Variants in TRAPPC8 observed in about 807,000 individuals in gnomAD.
The protein encoded by TRAPPC8 is general sporulation gene 1 homolog.
In TRAPPC8, 54 loss-of-function variants were observed where a neutral mutation model predicts 174.3. The observed-to-expected ratio is 0.31, with a 90% CI of 0.25 to 0.39. The LOEUF (loss-of-function observed/expected upper bound fraction) is 0.39. TRAPPC8 is among the 10% of genes least tolerant of loss of function. The pLI is 1.00. For missense variants in TRAPPC8, 1,531 were observed against 1,699.1 expected, an observed-to-expected ratio of 0.90 and a Z score of 1.74; for synonymous variants, 630 against 579.9, an observed-to-expected ratio of 1.09 and a Z score of -1.24.
intron 12 of TRAPPC8, among the ~76,000 whole-genome samples, chr18:31,877,556 T>C (rs1354123215): frequency 1.6e-5 from 2 of 128,772 alleles, no homozygotes; most frequent in Admixed American, 1.9e-4. Flanking sequence ...GAGCCTGCAG[T>C]GAGCCAAGAT....
chr18:31,904,415 G>A (rs1306234654), intron 9 of TRAPPC8, among the ~76,000 whole-genome samples: 2 of 152,070 alleles, frequency 1.3e-5, no homozygotes, highest in Admixed American at 1.3e-4. Flanking sequence ...CAGGTGTGGT[G>A]GTACATGCCT....
chr18:31,870,235 A>C (rs1445872578), intron 16 of TRAPPC8, 137 bp downstream of exon 16: 4 of 698,128 alleles, frequency 5.7e-6, no homozygotes, highest in Non-Finnish European at 8.6e-6. Flanking sequence ...AAATAAGTAC[A>C]TATCATAATT....
chr18:31,896,026 C>T (rs1405039985), intron 11 of TRAPPC8: 5 of 152,286 alleles, frequency 3.3e-5, no homozygotes, highest in South Asian at 2.1e-4. Context: ...GAAGGCAACA[C>T]GGTTCCCTGC....
chr18:31,880,879 G>A (rs755818530), intron 12 of TRAPPC8, among the ~76,000 whole-genome samples: 1 of 151,868 alleles, frequency 6.6e-6, no homozygotes, highest in Non-Finnish European at 1.5e-5. Context: ...TGAGAACCAA[G>A]TAAGAACTCA....
At chr18:31,890,617 T>G in intron 12 of TRAPPC8, 118 bp downstream of exon 12, 1 of 1,167,910 alleles carries the variant, frequency 8.6e-7, no homozygotes, top group African/African-American at 1.6e-5. Flanking sequence ...CCCTTACCAA[T>G]ACATTACCTC....
chr18:31,867,042 C>T (rs1208519937), intron 17 of TRAPPC8, 67 bp from the exon 18 acceptor site: 20 of 1,521,004 alleles, frequency 1.3e-5, no homozygotes, highest in Non-Finnish European at 1.7e-5. Flanking sequence ...ATACCTAATT[C>T]TATAATGTTG....
intron 3 of TRAPPC8, among the ~76,000 whole-genome samples, chr18:31,916,656 C>G (rs1456601071): frequency 6.6e-6 from 1 of 152,112 alleles, no homozygotes; most frequent in Non-Finnish European, 1.5e-5. Flanking sequence ...CCTCAGCCTC[C>G]AGAGTAGCTG....
At chr18:31,873,891 G>T in intron 13 of TRAPPC8, 1 of 189,580 alleles carries the variant, frequency 5.3e-6, no homozygotes, top group South Asian at 1.1e-4. Flanking sequence ...AGACCCTAAA[G>T]GTAGTTATTT....
chr18:31,839,319 G>T lies in TRAPPC8; in HGVS notation c.3976C>A (p.Gln1326Lys), dbSNP rs2032952546. 3 of 1,592,970 alleles carry T rather than the reference G, an allele frequency of 1.9e-6. No individual in the cohort carries two copies. The highest frequency in any genetic ancestry group is 2.6e-6 in the Non-Finnish European group (3 of 1,172,540). Residue 1326 changes from glutamine to lysine, a missense_variant, in exon 27 of 29, where the codon CAA becomes AAA. Transcript: ENST00000283351. ...CAAAAATAAAGCTCAAACCTTTTTTGATGAAATGGATGATTAAATGATTCT... is the reference window on the plus strand; with the variant it reads ...CAAAAATAAAGCTCAAACCTTTTTTTATGAAATGGATGATTAAATGATTCT... ...YPESFNHPFH[Q>K]KSLCLVPVTL...
At chr18:31,935,073 G>A (rs908199540) in intron 1 of TRAPPC8, among the ~76,000 whole-genome samples, 46 of 151,788 alleles carry the variant, frequency 3.0e-4, no homozygotes, top group African/African-American at 9.9e-4. Context: ...GGCCGGGCGT[G>A]ATGGCTCATG....
rs143029925 is a variant in TRAPPC8, at chr18:31,928,904, G to A, written c.352+2425C>T. Among the ~76,000 whole-genome samples, 923 of 152,264 alleles carry A rather than the reference G, an allele frequency of 6.1e-3. 11 individuals carry two copies. Among genetic ancestry groups the A allele is most frequent in the African/African-American group, 0.021 (883 of 41,552 alleles). On this transcript the variant is annotated intron_variant, in intron 2 of 28. Coordinates refer to ENST00000283351, the MANE Select transcript of TRAPPC8 (RefSeq NM_014939.5). ...CTTAAGAAAGAATCCAGCCAGGCCA[G>A]GAGTGGTGGCTCACGCCTGTAATCC...
At chr18:31,892,577 G>A (rs1435044804) in intron 11 of TRAPPC8, among the ~76,000 whole-genome samples, 3 of 151,920 alleles carry the variant, frequency 2.0e-5, no homozygotes, top group African/African-American at 7.3e-5. Context: ...TAGAACTGTG[G>A]AGTTAATGAA....
intron 10 of TRAPPC8, among the ~76,000 whole-genome samples, chr18:31,899,955 G>T (rs564898714): frequency 7.4e-6 from 1 of 134,256 alleles, no homozygotes; most frequent in East Asian, 2.0e-4. Context: ...AAAAAAACAT[G>T]GGCTGGGCAT....
chr18:31,890,968 A>T, intron 11 of TRAPPC8, 102 bp from the exon 12 acceptor site: 1 of 1,116,758 alleles, frequency 9.0e-7, no homozygotes, highest in African/African-American at 1.6e-5. Flanking sequence ...TAGCATATCC[A>T]ATGTTTAACT....
At chr18:31,867,924 C>T (rs776856107) in intron 16 of TRAPPC8, among the ~76,000 whole-genome samples, 2 of 152,050 alleles carry the variant, frequency 1.3e-5, no homozygotes, top group Non-Finnish European at 2.9e-5. Context: ...TAATAAAACC[C>T]TGAGAGAAAA....
intron 27 of TRAPPC8, among the ~76,000 whole-genome samples, chr18:31,836,122 G>T (rs1192271159): frequency 6.6e-6 from 1 of 152,162 alleles, no homozygotes; most frequent in East Asian, 1.9e-4. Flanking sequence ...AATAGAGATG[G>T]ACATGGGTAT....
rs59323781 is a variant in TRAPPC8, at chr18:31,934,949, CATAAATAA to C, written c.158-3434_158-3427del. Among the ~76,000 whole-genome samples the C allele has an allele frequency of 1.4e-3, 199 of 140,372 alleles. 1 individual carries two copies. The highest frequency in any genetic ancestry group is 3.6e-3 in the African/African-American group (137 of 37,762). The allele number at this position is 140,372 out of a possible 152,430, so 92.1% of individuals were successfully genotyped here. On this transcript the variant is annotated intron_variant, in intron 1 of 28. Coordinates refer to ENST00000283351, the MANE Select transcript of TRAPPC8 (RefSeq NM_014939.5). ...TGGGCAACAGAGAGAGGCTCCGTCT[CATAAATAA>C]ATAAATAAATAAATAAATAAATAAA...
intron 9 of TRAPPC8, 90 bp from the exon 10 acceptor site, chr18:31,901,115 G>T (rs577104919): frequency 3.4e-5 from 33 of 968,240 alleles, no homozygotes; most frequent in East Asian, 9.4e-5. Flanking sequence ...GAAATTTGCT[G>T]TTTTTTTTTT....
chr18:31,843,657 TATTC>T lies in TRAPPC8; in HGVS notation c.3837+3055_3837+3058del, dbSNP rs562034682. Among the ~76,000 whole-genome samples the T allele has an allele frequency of 3.0e-3, 452 of 152,334 alleles. 2 individuals are homozygous for T. Among genetic ancestry groups the T allele is most frequent in the African/African-American group, 9.5e-3 (395 of 41,576 alleles). On this transcript the variant is annotated intron_variant, in intron 26 of 28. Coordinates refer to ENST00000283351, the MANE Select transcript of TRAPPC8 (RefSeq NM_014939.5). ...ATGAATTTGGTAACTCAGCATTCTT[TATTC>T]ATTTACTTAATAATTACCAAGTACT...
Sources: gnomAD v4.1 joint callset for allele counts (sites outside exome capture counted in the v4.1 genomes callset) on GRCh38, gnomAD v4.1.1 for gene constraint, MANE v1.5 for transcripts, NCBI Gene and HGNC (gene_info 2026-07-23, HGNC 2026-07-21) for gene names.